PRDM16: variants seen among roughly 807,000 people sequenced by gnomAD.
The protein encoded by PRDM16 is histone-lysine N-methyltransferase PRDM16.
In PRDM16, 23 loss-of-function variants were observed where a neutral mutation model predicts 110.6. The observed-to-expected ratio is 0.21, with a 90% CI of 0.15 to 0.29. The LOEUF (loss-of-function observed/expected upper bound fraction) is 0.29, where lower values mean the gene tolerates loss of function less well. Ranked by LOEUF, PRDM16 falls within the 10% of genes least tolerant of loss-of-function variation. The pLI is 1.00. For missense variants in PRDM16, 1,615 were observed against 1,794.3 expected (o/e 0.90, Z 1.81); for synonymous variants, 799 against 781.8 (o/e 1.02, Z -0.37).
At chr1:3,321,014 C>T (rs923799578) in intron 3 of PRDM16, among the ~76,000 whole-genome samples, 5 of 152,244 alleles carry the variant, frequency 3.3e-5, no homozygotes, top group African/African-American at 4.8e-5. Context: ...GAGCCTGACT[C>T]GTGTCCTCTG....
chr1:3,425,766 T>G lies in PRDM16; in HGVS notation c.3109+16T>G, dbSNP rs2100692541. ...AACGCACCAGGTGGGCCACGCGGGG[T>G]GGGGCAGCCCCCAGAGCACCCACAC... On this transcript the variant is annotated intron_variant, in intron 13 of 16. Coordinates refer to ENST00000270722, the MANE Select transcript of PRDM16 (RefSeq NM_022114.4). The surrounding 1 kb of genome is among the most constrained non-coding windows in gnomAD (Gnocchi z 6.9). The G allele has an allele frequency of 6.2e-7, 1 of 1,611,248 alleles. No individual in the cohort carries two copies. Among genetic ancestry groups the G allele is most frequent in the Non-Finnish European group, 8.5e-7 (1 of 1,179,276 alleles).
rs369686980 is a variant in PRDM16 at position 3,227,983 on chromosome 1, C to T, written c.388-16104C>T. On this transcript the variant is annotated intron_variant, in intron 2 of 16. Coordinates refer to ENST00000270722, the MANE Select transcript of PRDM16 (RefSeq NM_022114.4). ...TCTCTGTTTCGAGCCGTGGGCTCTT[C>T]GCAGTATCCCAGGCTTCACAGTCAC... Among the ~76,000 whole-genome samples, 12 of 152,380 alleles carry T rather than the reference C, an allele frequency of 7.9e-5. No individual in the cohort carries two copies. In the South Asian group the frequency reaches 1.4e-3, roughly 18 times the overall value.
intron 1 of PRDM16, among the ~76,000 whole-genome samples, chr1:3,113,564 C>T (rs1377434290): frequency 2.0e-5 from 3 of 152,160 alleles, no homozygotes; most frequent in African/African-American, 7.2e-5. Flanking sequence ...GAGGGGCCTG[C>T]GTCCATGGCT....
At chr1:3,186,522 G>T (rs1644270653) in intron 2 of PRDM16, 48 bp downstream of exon 2, 2 of 1,241,528 alleles carry the variant, frequency 1.6e-6, no homozygotes, top group African/African-American at 1.5e-5. Flanking sequence ...TTTATCTTGT[G>T]TTCAATCTAT....
intron 3 of PRDM16, among the ~76,000 whole-genome samples, chr1:3,333,700 C>T (rs1468391088): frequency 1.3e-5 from 2 of 152,094 alleles, no homozygotes; most frequent in Non-Finnish European, 2.9e-5. Flanking sequence ...AAGTGTGATG[C>T]CTGATTTTGG....
At chr1:3,404,072 G>A (rs1341971938) in intron 6 of PRDM16, among the ~76,000 whole-genome samples, 1 of 152,200 alleles carries the variant, frequency 6.6e-6, no homozygotes, top group Admixed American at 6.5e-5. Flanking sequence ...GGAACCAGGC[G>A]TTTCTGATCT....
At position 3,181,058 on chromosome 1, in the gene PRDM16, G is replaced by T. The variant is rs117440772; in HGVS notation, c.38-5067G>T. On this transcript the variant is annotated intron_variant, in intron 1 of 16. Coordinates refer to ENST00000270722, the MANE Select transcript of PRDM16 (RefSeq NM_022114.4). ...CGGTCTTACACACGCAGTCTTACACGCGGTCTTACACACCCGGTCTTACAC... is the reference window on the plus strand; with the variant it reads ...CGGTCTTACACACGCAGTCTTACACTCGGTCTTACACACCCGGTCTTACAC... 1.0e-4 allele frequency among the ~76,000 whole-genome samples: 6 copies of T among 59,718 alleles called. No homozygotes were observed. In the Admixed American group the frequency reaches 1.1e-3, roughly 11 times the overall value. 39.2% of individuals were successfully genotyped at this position (59,718 alleles called of 152,430 possible). A position where few individuals can be genotyped will look rare whatever the true frequency, so the allele number is the denominator to read the frequency against.
At chr1:3,277,535 C>T (rs1040415970) in intron 3 of PRDM16, among the ~76,000 whole-genome samples, 1 of 152,256 alleles carries the variant, frequency 6.6e-6, no homozygotes, top group Non-Finnish European at 1.5e-5. Flanking sequence ...CCCCGACCCT[C>T]TCCTTTTCTG....
chr1:3,417,188 G>C (rs1172158441), intron 10 of PRDM16, among the ~76,000 whole-genome samples: 10 of 152,218 alleles, frequency 6.6e-5, no homozygotes, highest in Admixed American at 4.6e-4. Context: ...ATTGCCCTGT[G>C]TCATGTGACA....
At chr1:3,269,790 C>CCCGGAGGAGGACAGTTGGGAGGACAG (rs1282869851) in intron 3 of PRDM16, among the ~76,000 whole-genome samples, 8,934 of 145,390 alleles carry the variant, frequency 0.061, 2,785 homozygotes, top group African/African-American at 0.11. Flanking sequence ...GGAGGAAAGT[C>CCCGGAGGAGGACAGTTGGGAGGACAG]TCAGAGGAGG....
At chr1:3,356,410 C>T (rs961938229) in intron 3 of PRDM16, among the ~76,000 whole-genome samples, 7 of 152,244 alleles carry the variant, frequency 4.6e-5, no homozygotes, top group African/African-American at 1.7e-4. Flanking sequence ...GCCGTGTCCA[C>T]ACCCAATCTG....
intron 12 of PRDM16, among the ~76,000 whole-genome samples, chr1:3,419,921 G>GT (rs1553178378): frequency 6.6e-6 from 1 of 151,160 alleles, no homozygotes; most frequent in Non-Finnish European, 1.5e-5. Flanking sequence ...CAATTCACAG[G>GT]CCCCCCCTTA....
chr1:3,171,688 G>A, intron 1 of PRDM16, among the ~76,000 whole-genome samples: 1 of 152,164 alleles, frequency 6.6e-6, no homozygotes, highest in East Asian at 1.9e-4. Flanking sequence ...CCCCTTCTGG[G>A]TTCTGGTTGG....
chr1:3,377,790 C>G lies in PRDM16; in HGVS notation c.439-7362C>G, dbSNP rs74959788. ...AGACGTGGGCTGGGCCGCTCCTTCC[C>G]TCTGTGGCTCCCTCCTGTGTTCATT... On this transcript the variant is annotated intron_variant, in intron 3 of 16. Transcript: ENST00000270722. 2.8e-3 allele frequency among the ~76,000 whole-genome samples: 432 copies of G among 152,326 alleles called. 4 individuals are homozygous for G. The highest frequency in any genetic ancestry group is 0.01 in the African/African-American group (417 of 41,578).
intron 3 of PRDM16, among the ~76,000 whole-genome samples, chr1:3,330,054 T>C (rs1168645069): frequency 6.6e-6 from 1 of 152,094 alleles, no homozygotes; most frequent in Non-Finnish European, 1.5e-5. Flanking sequence ...GATGGCAGAG[T>C]CTGCCCAGAG....
intron 1 of PRDM16, among the ~76,000 whole-genome samples, chr1:3,171,408 G>C (rs550301110): frequency 6.6e-6 from 1 of 152,128 alleles, no homozygotes; most frequent in Non-Finnish European, 1.5e-5. Flanking sequence ...CTTTGTCCTC[G>C]GGTGGCCTGG....
intron 1 of PRDM16, among the ~76,000 whole-genome samples, chr1:3,101,520 G>A (rs1170806164): frequency 6.6e-6 from 1 of 152,226 alleles, no homozygotes; most frequent in Non-Finnish European, 1.5e-5. Context: ...ATCGGGGAAG[G>A]GGACACGGGG....
chr1:3,373,456 C>T (rs897878465), intron 3 of PRDM16, among the ~76,000 whole-genome samples: 23 of 152,200 alleles, frequency 1.5e-4, no homozygotes, highest in African/African-American at 5.3e-4. Flanking sequence ...GCCGTCGTTG[C>T]AGACGTTTCT....
intron 3 of PRDM16, chr1:3,308,871 T>A (rs1641374305): frequency 6.6e-6 from 1 of 152,192 alleles, no homozygotes; most frequent in Admixed American, 6.5e-5. Flanking sequence ...CCCCGGGTAA[T>A]GCAATGTAAT....
Sources: allele counts gnomAD v4.1 joint callset (sites outside exome capture counted in the v4.1 genomes callset), GRCh38; gene constraint gnomAD v4.1.1; non-coding constraint Gnocchi (gnomAD v3.1); transcripts MANE v1.5; gene names NCBI Gene and HGNC (gene_info 2026-07-23, HGNC 2026-07-21).